BBS5: variants seen among roughly 807,000 people sequenced by gnomAD.
BBS5 encodes the protein Bardet-Biedl syndrome 5.
In BBS5, 39 loss-of-function variants were observed where a neutral mutation model predicts 50.2. The ratio of observed to expected loss-of-function variants is 0.78; its 90% confidence interval spans 0.60 to 1.01. The LOEUF is 1.01. Among genes scored for constraint, BBS5 ranks in the 50% least tolerant of loss-of-function variants. The pLI, the probability that BBS5 is intolerant of heterozygous loss-of-function variation, is 0.00. For synonymous variants in BBS5, 134 were observed against 133.1 expected (o/e 1.01, Z -0.05); for missense variants, 356 against 401.5 (o/e 0.89, Z 0.97).
At chr2:169,497,311 G>A (rs1302404829) in intron 7 of BBS5, among the ~76,000 whole-genome samples, 14 of 152,188 alleles carry the variant, frequency 9.2e-5, no homozygotes, top group Non-Finnish European at 2.9e-5. Context: ...GGCTGAATGA[G>A]ACCTAATTAA....
chr2:169,479,876 G>A (rs1683357917), intron 1 of BBS5, among the ~76,000 whole-genome samples: 1 of 152,236 alleles, frequency 6.6e-6, no homozygotes, highest in South Asian at 2.1e-4. Context: ...CTGGCCCGCG[G>A]GACGGATCAG....
intron 3 of BBS5, 95 bp downstream of exon 3, chr2:169,487,229 T>C (rs1683501835): frequency 2.5e-6 from 2 of 815,922 alleles, no homozygotes; most frequent in Admixed American, 4.3e-5. Context: ...TGTAGAAATA[T>C]TAATAAAAAT....
At chr2:169,487,415 A>C (rs1683504443) in intron 3 of BBS5, among the ~76,000 whole-genome samples, 2 of 152,138 alleles carry the variant, frequency 1.3e-5, no homozygotes, top group Admixed American at 1.3e-4. Context: ...ATCCCAAAGA[A>C]GGAAGAAGCT....
chr2:169,503,236 A>G, intron 10 of BBS5, 58 bp downstream of exon 10: 1 of 1,352,978 alleles, frequency 7.4e-7, no homozygotes. Flanking sequence ...AGTCTTGTTT[A>G]ATAAAATAAT....
chr2:169,489,800 G>A (rs1683558276), intron 5 of BBS5, among the ~76,000 whole-genome samples: 1 of 143,532 alleles, frequency 7.0e-6, no homozygotes, highest in Non-Finnish European at 1.5e-5. Context: ...TTACCAGTGA[G>A]GTTGACATTT....
intron 6 of BBS5, 82 bp from the exon 7 acceptor site, chr2:169,493,659 A>C: frequency 1.0e-6 from 1 of 973,572 alleles, no homozygotes; most frequent in South Asian, 1.3e-5. Context: ...TGCTGCTGTA[A>C]TAAGTTATTC....
At chr2:169,503,264 A>AT in intron 10 of BBS5, 86 bp downstream of exon 10, 5 of 1,073,970 alleles carry the variant, frequency 4.7e-6, no homozygotes, top group Non-Finnish European at 7.0e-6. Context: ...GTGAAACACC[A>AT]TATAACTTGA....
chr2:169,480,476 T>C (rs1683369185), intron 1 of BBS5, among the ~76,000 whole-genome samples: 1 of 152,216 alleles, frequency 6.6e-6, no homozygotes, highest in Non-Finnish European at 1.5e-5. Context: ...CCTCCTTAGA[T>C]GGAATCGTTC....
Position 169,492,860 on chromosome 2 carries a change from G to C in BBS5, c.387-14G>C. 2.5e-6 allele frequency: 4 copies of C among 1,606,686 alleles called. No homozygotes were observed. Among genetic ancestry groups the C allele is most frequent in the Non-Finnish European group, 3.4e-6 (4 of 1,175,926 alleles). ...TTTCAGTTTGAGTTGTCTTTTGTTT[G>C]TTCTTTTTCATAGAGCTTATGAAAC... On this transcript the variant is annotated splice_polypyrimidine_tract_variant and intron_variant, in intron 5 of 11. Transcript: ENST00000295240.
intron 1 of BBS5, among the ~76,000 whole-genome samples, chr2:169,480,831 A>C (rs183010266): frequency 0.011 from 1,744 of 151,654 alleles, 47 homozygotes; most frequent in African/African-American, 0.04. Context: ...ACAGGCACGC[A>C]CCAACACGCC....
chr2:169,492,179 A>G (rs967896621), intron 5 of BBS5, among the ~76,000 whole-genome samples: 18 of 152,134 alleles, frequency 1.2e-4, no homozygotes, highest in African/African-American at 4.1e-4. Flanking sequence ...TTTGATAGAA[A>G]AAACAATTTC....
At position 169,492,863 on chromosome 2, in the gene BBS5, C is replaced by A; in HGVS notation, c.387-11C>A. The A allele has an allele frequency of 6.2e-7, 1 of 1,607,784 alleles. No individual in the cohort carries two copies. The highest frequency in any genetic ancestry group is 8.5e-7 in the Non-Finnish European group (1 of 1,176,612). The stretch of plus-strand genomic sequence containing the variant: ...CAGTTTGAGTTGTCTTTTGTTTGTT[C>A]TTTTTCATAGAGCTTATGAAACTTC... On this transcript the variant is annotated splice_polypyrimidine_tract_variant and intron_variant, in intron 5 of 11. Coordinates refer to ENST00000295240, the MANE Select transcript of BBS5 (RefSeq NM_152384.3).
chr2:169,490,335 AGGC>A (rs1683572705), intron 5 of BBS5, among the ~76,000 whole-genome samples: 3 of 151,464 alleles, frequency 2.0e-5, no homozygotes, highest in Non-Finnish European at 4.4e-5. Context: ...CTGGGACTAC[AGGC>A]GCCTGCCACC....
chr2:169,505,871 TGAG>T lies in BBS5; in HGVS notation c.*1291_*1293del, dbSNP rs1392869392. 49 of 110,306 alleles carry T rather than the reference TGAG, an allele frequency of 4.4e-4. No homozygotes were observed. Among genetic ancestry groups the T allele is most frequent in the African/African-American group, 1.8e-3 (45 of 25,606 alleles). 6.8% of individuals were successfully genotyped at this position (110,306 alleles called of 1,614,324 possible). A position where few individuals can be genotyped will look rare whatever the true frequency, so the allele number is the denominator to read the frequency against. ...CCGGCCAGCCGCCCCGTCCGGGAGG[TGAG>T]GGGCGCCTCTGCCCAGCTGCCCCTA... On this transcript the variant is annotated 3_prime_UTR_variant, in exon 12 of 12. Transcript: ENST00000295240.
At chr2:169,504,189 A>G (rs1683858601) in intron 10 of BBS5, 114 bp from the exon 11 acceptor site, 1 of 949,828 alleles carries the variant, frequency 1.1e-6, no homozygotes, top group African/African-American at 1.6e-5. Flanking sequence ...ACAGTAACAG[A>G]ATGTGAAATA....
intron 2 of BBS5, among the ~76,000 whole-genome samples, chr2:169,484,566 A>G (rs565975409): frequency 6.6e-6 from 1 of 152,298 alleles, no homozygotes; most frequent in South Asian, 2.1e-4. Context: ...AAGTTAAGAC[A>G]TTGCCAAGTT....
chr2:169,484,396 A>G (rs1479438526), intron 2 of BBS5, among the ~76,000 whole-genome samples: 2 of 151,420 alleles, frequency 1.3e-5, no homozygotes, highest in Admixed American at 1.3e-4. Flanking sequence ...GTTAAAATAG[A>G]AATAACTGTG....
At chr2:169,485,244 G>A (rs1683469430) in intron 2 of BBS5, among the ~76,000 whole-genome samples, 1 of 152,098 alleles carries the variant, frequency 6.6e-6, no homozygotes, top group African/African-American at 2.4e-5. Context: ...AGTTTGCAAA[G>A]GATTATTTTT....
At chr2:169,502,823 C>G (rs1366450562) in intron 9 of BBS5, among the ~76,000 whole-genome samples, 11 of 152,144 alleles carry the variant, frequency 7.2e-5, no homozygotes, top group Non-Finnish European at 1.0e-4. Context: ...ATGTGAAAGT[C>G]AAGTCAGAGT....
Sources: gnomAD v4.1 joint callset for allele counts (sites outside exome capture counted in the v4.1 genomes callset) on GRCh38, gnomAD v4.1.1 for gene constraint, MANE v1.5 for transcripts, NCBI Gene and HGNC (gene_info 2026-07-23, HGNC 2026-07-21) for gene names.